PHF2: variants seen among roughly 807,000 people sequenced by gnomAD.
The protein encoded by PHF2 is lysine-specific demethylase PHF2.
PHF2 carries 27 observed loss-of-function variants against 120.5 expected under a neutral mutation model. That is an observed-to-expected ratio of 0.22 (90% CI 0.17 to 0.31). The LOEUF (loss-of-function observed/expected upper bound fraction) is 0.31, where lower values mean the gene tolerates loss of function less well. Ranked by LOEUF, PHF2 falls within the 10% of genes least tolerant of loss-of-function variation. The pLI is 1.00. For missense variants in PHF2, 1,024 were observed against 1,434.8 expected, an observed-to-expected ratio of 0.71 and a Z score of 4.63; for synonymous variants, 568 against 592.5, an observed-to-expected ratio of 0.96 and a Z score of 0.60.
chr9:93,679,238 C>T lies in PHF2; in HGVS notation c.*1562C>T, dbSNP rs1236809549. 5 of 456,162 alleles carry T rather than the reference C, an allele frequency of 1.1e-5. No individual in the cohort carries two copies. The highest frequency in any genetic ancestry group is 1.0e-4 in the African/African-American group (5 of 50,074). The allele number at this position is 456,162 out of a possible 1,614,324, so 28.3% of individuals were successfully genotyped here. A position where few individuals can be genotyped will look rare whatever the true frequency, so the allele number is the denominator to read the frequency against. On this transcript the variant is annotated 3_prime_UTR_variant, in exon 22 of 22. Coordinates refer to ENST00000359246, the MANE Select transcript of PHF2 (RefSeq NM_005392.4). ...TTGGTGGAGGCCTTATCCACTCCCA[C>T]TTGTCCTGTTTGGAGGGACGCAGTC...
At chr9:93,661,268 A>T (rs1035018649) in intron 12 of PHF2, among the ~76,000 whole-genome samples, 1 of 152,134 alleles carries the variant, frequency 6.6e-6, no homozygotes, top group Admixed American at 6.5e-5. Flanking sequence ...GGAGGTCGTT[A>T]TCTGCTTCCT....
chr9:93,668,830 G>A (rs767035576), intron 17 of PHF2, among the ~76,000 whole-genome samples: 10 of 152,356 alleles, frequency 6.6e-5, no homozygotes, highest in African/African-American at 2.4e-4. Context: ...TGAGGCCGCC[G>A]GCCCCCCTCA....
intron 5 of PHF2, among the ~76,000 whole-genome samples, chr9:93,649,879 AAC>A (rs1175360701): frequency 4.6e-5 from 7 of 151,652 alleles, no homozygotes; most frequent in African/African-American, 9.7e-5. Context: ...CACACTTGTC[AAC>A]ACACTCGTGA....
At chr9:93,655,857 G>T (rs1029096007) in intron 7 of PHF2, 77 bp from the exon 8 acceptor site, 7 of 1,079,448 alleles carry the variant, frequency 6.5e-6, no homozygotes, top group Non-Finnish European at 2.8e-6. Flanking sequence ...GGTCTCCGCC[G>T]CTCCCTGATC....
chr9:93,624,201 AG>A (rs1452366925), intron 1 of PHF2, among the ~76,000 whole-genome samples: 5 of 152,252 alleles, frequency 3.3e-5, no homozygotes, highest in Admixed American at 6.5e-5. Flanking sequence ...TAGAGTTCTT[AG>A]CATGCTGCGT....
intron 7 of PHF2, 73 bp from the exon 8 acceptor site, chr9:93,655,861 C>T: frequency 8.7e-7 from 1 of 1,144,712 alleles, no homozygotes; most frequent in Non-Finnish European, 1.3e-6. Context: ...TCCGCCGCTC[C>T]CTGATCTAGA....
At chr9:93,586,579 G>A (rs773721683) in intron 1 of PHF2, among the ~76,000 whole-genome samples, 1 of 152,252 alleles carries the variant, frequency 6.6e-6, no homozygotes, top group Non-Finnish European at 1.5e-5. Context: ...AGGCTTTTGT[G>A]CCACTCCTGG....
At chr9:93,593,921 A>G (rs766535291) in intron 1 of PHF2, among the ~76,000 whole-genome samples, 11 of 152,242 alleles carry the variant, frequency 7.2e-5, no homozygotes, top group Non-Finnish European at 1.5e-4. Context: ...GTACATTCCA[A>G]TTTGTTTTCC....
chr9:93,600,125 G>T (rs1825412685), intron 1 of PHF2, among the ~76,000 whole-genome samples: 1 of 151,978 alleles, frequency 6.6e-6, no homozygotes, highest in Non-Finnish European at 1.5e-5. Flanking sequence ...TATGTGTGTG[G>T]TATGTGTGTA....
In PHF2 at chr9:93,658,211, C is replaced by T; in HGVS notation, c.1214C>T (p.Ala405Val). The T allele has an allele frequency of 2.5e-6, 4 of 1,612,816 alleles. No homozygotes were observed. The highest frequency in any genetic ancestry group is 8.5e-7 in the Non-Finnish European group (1 of 1,179,614). ...LVQGAKILNGAFRSWTKKQAL... is the reference protein window; with the variant it reads ...LVQGAKILNGVFRSWTKKQAL... ...CAAGGAGCTAAAATTCTCAATGGTGCTTTCCGATCGTGGACGAAGAAGCAG... is the reference window on the plus strand; with the variant it reads ...CAAGGAGCTAAAATTCTCAATGGTGTTTTCCGATCGTGGACGAAGAAGCAG... The change falls in exon 10 of 22, where the codon GCT becomes GTT. Residue 405 changes from alanine to valine, a missense_variant. This residue lies in a region of PHF2 where 347 missense variants were observed against 577.4 expected (regional missense o/e 0.60). Coordinates refer to ENST00000359246, the MANE Select transcript of PHF2 (RefSeq NM_005392.4).
intron 2 of PHF2, among the ~76,000 whole-genome samples, chr9:93,634,394 C>T (rs1366653748): frequency 6.6e-6 from 1 of 152,162 alleles, no homozygotes; most frequent in Non-Finnish European, 1.5e-5. Flanking sequence ...AGCACACACA[C>T]CTCTAGGGCC....
chr9:93,630,149 G>C (rs1825976137), intron 2 of PHF2, 94 bp downstream of exon 2: 1 of 1,315,424 alleles, frequency 7.6e-7, no homozygotes, highest in African/African-American at 1.4e-5. Context: ...TGCTGGGCCT[G>C]GGCCCTGGGT....
intron 1 of PHF2, among the ~76,000 whole-genome samples, chr9:93,587,146 CTAGT>C (rs940475643): frequency 7.9e-5 from 12 of 152,148 alleles, no homozygotes; most frequent in Middle Eastern, 3.2e-3. Context: ...AGGCCAGAGA[CTAGT>C]TAGGGGCTGG....
chr9:93,606,500 C>T (rs1023012829), intron 1 of PHF2, among the ~76,000 whole-genome samples: 3 of 152,110 alleles, frequency 2.0e-5, no homozygotes, highest in Non-Finnish European at 4.4e-5. Flanking sequence ...ATTTGCTATC[C>T]GTATATCTTC....
At chr9:93,641,256 C>T (rs1373286105) in intron 3 of PHF2, among the ~76,000 whole-genome samples, 2 of 152,172 alleles carry the variant, frequency 1.3e-5, no homozygotes, top group African/African-American at 4.8e-5. Context: ...GAGAACAACA[C>T]TCTGGATGTA....
intron 1 of PHF2, among the ~76,000 whole-genome samples, chr9:93,603,720 C>T (rs2131619024): frequency 6.6e-6 from 1 of 152,298 alleles, no homozygotes; most frequent in South Asian, 2.1e-4. Context: ...TGCACATTCA[C>T]CTTTCTTTGC....
At chr9:93,604,469 CTT>C (rs767869117) in intron 1 of PHF2, among the ~76,000 whole-genome samples, 9 of 141,380 alleles carry the variant, frequency 6.4e-5, no homozygotes, top group Admixed American at 7.1e-5. Flanking sequence ...TATTTTCTTT[CTT>C]TTTTTTTTTT....
At chr9:93,643,313 G>A (rs567514245) in intron 3 of PHF2, among the ~76,000 whole-genome samples, 5 of 152,298 alleles carry the variant, frequency 3.3e-5, no homozygotes, top group Admixed American at 3.3e-4. Flanking sequence ...CTGCTAGGAC[G>A]TTGGCATTGG....
At chr9:93,610,723 C>A (rs1343684343) in intron 1 of PHF2, among the ~76,000 whole-genome samples, 1 of 152,202 alleles carries the variant, frequency 6.6e-6, no homozygotes, top group Admixed American at 6.5e-5. Flanking sequence ...ACACTACCAT[C>A]CAGAGGAGGT....
Sources: allele counts gnomAD v4.1 joint callset (sites outside exome capture counted in the v4.1 genomes callset), GRCh38; gene constraint gnomAD v4.1.1; regional missense constraint gnomAD v4.1.1; transcripts MANE v1.5; gene names NCBI Gene and HGNC (gene_info 2026-07-23, HGNC 2026-07-21).